RHOU: variants seen among roughly 807,000 people sequenced by gnomAD.
RHOU encodes the protein ras homolog family member U.
Under a neutral mutation model 12.6 loss-of-function variants are expected in RHOU, and 8 were observed. The ratio of observed to expected loss-of-function variants is 0.64; its 90% CI spans 0.37 to 1.15. The LOEUF is 1.15. Among genes scored for constraint, RHOU ranks in the 50% most tolerant of loss-of-function variants. RHOU has a pLI of 0.01. For missense variants in RHOU, 258 were observed against 347.0 expected (o/e 0.74, Z 2.04); for synonymous variants, 161 against 147.4 (o/e 1.09, Z -0.67).
the RHOU span, among the ~76,000 whole-genome samples, chr1:228,663,586 A>C: frequency 9.7e-5 from 10 of 103,036 alleles, no homozygotes; most frequent in South Asian, 3.2e-4. Flanking sequence ...CTTTATTTTT[A>C]TTTTTCTTTT....
chr1:228,670,847 T>A, the RHOU span, among the ~76,000 whole-genome samples: 2 of 152,318 alleles, frequency 1.3e-5, no homozygotes, highest in Non-Finnish European at 2.9e-5. Context: ...CTTTACTCTC[T>A]GTCTGTTGCT....
chr1:228,684,443 C>T, the RHOU span, among the ~76,000 whole-genome samples: 8 of 149,284 alleles, frequency 5.4e-5, no homozygotes, highest in African/African-American at 1.0e-4. Context: ...ATCCTTCCAC[C>T]GCAGCCCCCT....
chr1:228,682,716 T>C, the RHOU span, among the ~76,000 whole-genome samples: 3 of 152,042 alleles, frequency 2.0e-5, no homozygotes, highest in Non-Finnish European at 2.9e-5. Context: ...GGCAGATCAA[T>C]AGAAACACAA....
the RHOU span, among the ~76,000 whole-genome samples, chr1:228,693,999 T>G: frequency 4.6e-5 from 7 of 152,224 alleles, no homozygotes; most frequent in African/African-American, 1.7e-4. Context: ...AAATAAGATC[T>G]TAATTCTAGA....
chr1:228,719,200 A>G, the RHOU span, among the ~76,000 whole-genome samples: 6 of 152,268 alleles, frequency 3.9e-5, no homozygotes, highest in South Asian at 6.2e-4. Flanking sequence ...TTGCTTTCCT[A>G]TCTATCCATT....
In RHOU at chr1:228,738,984, A is replaced by ACTGT. The variant is rs1662667919; in HGVS notation, c.321+1258_321+1261dup. Among the ~76,000 whole-genome samples the ACTGT allele has an allele frequency of 6.6e-6, 1 of 151,938 alleles. No homozygotes were observed. Among genetic ancestry groups the ACTGT allele is most frequent in the South Asian group, 2.1e-4 (1 of 4,818 alleles). ...AAAAAAATTAGCCTGGTGTGGTGGC[A>ACTGT]CTGTCTGTAGTCCCAGCCACCAGCC... On this transcript the variant is annotated intron_variant, in intron 2 of 2. Coordinates refer to ENST00000366691, the MANE Select transcript of RHOU (RefSeq NM_021205.6). The surrounding 1 kb of genome is among the most constrained non-coding windows in gnomAD (Gnocchi z 4.2).
the RHOU span, among the ~76,000 whole-genome samples, chr1:228,678,458 T>C: frequency 2.0e-5 from 3 of 152,308 alleles, no homozygotes; most frequent in South Asian, 6.2e-4. Context: ...CTTATCAGTA[T>C]AAACGTTGCC....
chr1:228,647,156 C>G, the RHOU span, among the ~76,000 whole-genome samples: 2 of 152,308 alleles, frequency 1.3e-5, no homozygotes, highest in East Asian at 1.9e-4. Flanking sequence ...TGTGCCTGAG[C>G]AGGGCGGCCA....
In RHOU at chr1:228,743,433, T is replaced by C; in HGVS notation, c.470T>C (p.Ile157Thr). The stretch of plus-strand genomic sequence containing the variant: ...TGCCACTGTCCCAAAGCCCCCATCA[T>C]CCTAGTTGGAACGCAGTCGGATCTC... Reference protein sequence around the residue: ...IRCHCPKAPIILVGTQSDLRE... With the variant: ...IRCHCPKAPITLVGTQSDLRE... Residue 157 changes from isoleucine (I) to threonine (T), a missense_variant, in exon 3 of 3, where the codon ATC (isoleucine) becomes ACC (threonine). By Grantham distance (89) the Ile-to-Thr change is moderately conservative. Coordinates refer to ENST00000366691, the MANE Select transcript of RHOU (RefSeq NM_021205.6). The surrounding 1 kb of genome is among the most constrained non-coding windows in gnomAD (Gnocchi z 5.1). The C allele has an allele frequency of 6.2e-7, 1 of 1,614,166 alleles. No homozygotes were observed. Among genetic ancestry groups the C allele is most frequent in the Non-Finnish European group, 8.5e-7 (1 of 1,180,026 alleles).
At position 228,738,311 on chromosome 1, in the gene RHOU, C is replaced by T. The variant is rs1418793790; in HGVS notation, c.321+580C>T. On this transcript the variant is annotated intron_variant, in intron 2 of 2. Coordinates refer to ENST00000366691, the MANE Select transcript of RHOU (RefSeq NM_021205.6). The surrounding 1 kb of genome is among the most constrained non-coding windows in gnomAD (Gnocchi z 4.2). The stretch of plus-strand genomic sequence containing the variant: ...GCTTATTCTATCCAAACTGTGAACG[C>T]TGGTTCTTGTCTCGAGGGCTGGGCC... Among the ~76,000 whole-genome samples, 1 of 152,194 alleles carries T rather than the reference C, an allele frequency of 6.6e-6. No individual in the cohort carries two copies. The highest frequency in any genetic ancestry group is 2.4e-5 in the African/African-American group (1 of 41,430).
At chr1:228,658,240 A>C in the RHOU span, among the ~76,000 whole-genome samples, 1 of 150,128 alleles carries the variant, frequency 6.7e-6, no homozygotes, top group East Asian at 2.0e-4. Context: ...TGATCAGGCT[A>C]CAGGCTACTG....
At chr1:228,694,116 A>G in the RHOU span, among the ~76,000 whole-genome samples, 2 of 152,188 alleles carry the variant, frequency 1.3e-5, no homozygotes, top group African/African-American at 4.8e-5. Context: ...AAAGTATTTA[A>G]TCAGCTATTG....
chr1:228,722,014 C>T, the RHOU span, among the ~76,000 whole-genome samples: 304 of 152,230 alleles, frequency 2.0e-3, 1 homozygote, highest in Middle Eastern at 0.024. Context: ...CAGAAACTAA[C>T]GAAACAATTC....
At chr1:228,689,966 C>T in the RHOU span, among the ~76,000 whole-genome samples, 1 of 151,718 alleles carries the variant, frequency 6.6e-6, no homozygotes, top group African/African-American at 2.4e-5. Context: ...ACTTTCTCTT[C>T]CCACACTTTC....
chr1:228,726,683 C>A, the RHOU span, among the ~76,000 whole-genome samples: 1 of 150,216 alleles, frequency 6.7e-6, no homozygotes, highest in Admixed American at 6.6e-5. Context: ...AAAAAAAAAT[C>A]TCTGCTCTAG....
the RHOU span, among the ~76,000 whole-genome samples, chr1:228,661,586 C>T: frequency 9.9e-5 from 15 of 152,192 alleles, no homozygotes; most frequent in Non-Finnish European, 2.1e-4. Context: ...GAAAAGGATT[C>T]CCTATTTAAT....
At chr1:228,648,167 G>A in the RHOU span, 1 of 152,532 alleles carries the variant, frequency 6.6e-6, no homozygotes, top group Non-Finnish European at 1.5e-5. Flanking sequence ...TGGCTGGGTT[G>A]CTCTCCGTGT....
chr1:228,692,496 T>C, the RHOU span, among the ~76,000 whole-genome samples: 4 of 152,234 alleles, frequency 2.6e-5, no homozygotes. Context: ...GTGAAGAACT[T>C]ACTTGGCCAC....
chr1:228,650,184 G>A, the RHOU span: 6 of 456,478 alleles, frequency 1.3e-5, no homozygotes, highest in Non-Finnish European at 2.2e-5. Flanking sequence ...TTCCATCAGC[G>A]GCTGCAGCCC....
Sources: gnomAD v4.1 joint callset for allele counts (sites outside exome capture counted in the v4.1 genomes callset) on GRCh38, gnomAD v4.1.1 for gene constraint, Gnocchi (gnomAD v3.1) non-coding constraint, MANE v1.5 for transcripts, NCBI Gene and HGNC (gene_info 2026-07-23, HGNC 2026-07-21) for gene names.